FAM186B: variants seen among roughly 807,000 people sequenced by gnomAD.
FAM186B encodes protein FAM186B.
Under a neutral mutation model 83.4 loss-of-function variants are expected in FAM186B, and 68 were observed. The ratio of observed to expected loss-of-function variants is 0.81; its 90% CI spans 0.67 to 1.00. FAM186B has a LOEUF of 1.00. Ranked by LOEUF, FAM186B falls within the 50% of genes least tolerant of loss-of-function variation. The pLI, the probability that FAM186B is intolerant of heterozygous loss-of-function variation, is 0.00. For synonymous variants in FAM186B, 389 were observed against 422.0 expected, an observed-to-expected ratio of 0.92 and a Z score of 0.96; for missense variants, 983 against 1,099.2, an observed-to-expected ratio of 0.89 and a Z score of 1.49.
chr12:49,599,789 G>A lies in FAM186B; in HGVS notation c.1851C>T (p.Thr617=). 1.9e-6 allele frequency: 3 copies of A among 1,613,988 alleles called. No individual in the cohort carries two copies. Among genetic ancestry groups the A allele is most frequent in the Non-Finnish European group, 2.5e-6 (3 of 1,179,928 alleles). Residue 617 remains threonine (T), a synonymous_variant, in exon 4 of 7, where the codon ACC becomes ACT. Coordinates refer to ENST00000257894, the MANE Select transcript of FAM186B (RefSeq NM_032130.3). ...KQRPMSSVEF[T]YRPRTRRVPT... ...GAACTCGGCGGGTCCGTGGTCTGTA[G>A]GTAAACTCCACTGAACTCATAGGTC...
At chr12:49,594,679 A>G (rs1939671719) in intron 5 of FAM186B, among the ~76,000 whole-genome samples, 1 of 152,364 alleles carries the variant, frequency 6.6e-6, no homozygotes, top group South Asian at 2.1e-4. Flanking sequence ...GTTTGAGACC[A>G]GCCTGGCCAA....
intron 2 of FAM186B, 160 bp downstream of exon 2, chr12:49,604,153 G>A (rs940959572): frequency 2.1e-5 from 13 of 611,178 alleles, no homozygotes; most frequent in Non-Finnish European, 3.5e-5. Flanking sequence ...GTGATGTTTG[G>A]ACACTTCTGT....
At chr12:49,591,076 A>G (rs768672493) in intron 5 of FAM186B, among the ~76,000 whole-genome samples, 5 of 152,190 alleles carry the variant, frequency 3.3e-5, no homozygotes, top group African/African-American at 9.7e-5. Flanking sequence ...GTGCAGGTCA[A>G]TGATCCCCAA....
intron 5 of FAM186B, 100 bp from the exon 6 acceptor site, chr12:49,588,723 A>G (rs1233380841): frequency 1.6e-6 from 2 of 1,242,620 alleles, no homozygotes; most frequent in East Asian, 4.9e-5. Flanking sequence ...TGCTGGACTC[A>G]GGGCTGAGTG....
At chr12:49,611,015 GA>G in the FAM186B span, among the ~76,000 whole-genome samples, 74 of 151,832 alleles carry the variant, frequency 4.9e-4, no homozygotes, top group Non-Finnish European at 5.2e-4. Flanking sequence ...CAAGGCGGGC[GA>G]ATCACTTGAG....
the FAM186B span, among the ~76,000 whole-genome samples, chr12:49,618,913 G>C: frequency 1.3e-5 from 2 of 152,198 alleles, no homozygotes; most frequent in African/African-American, 2.4e-5. Context: ...CAGCACAATG[G>C]AAGATAATAG....
At position 49,600,622 on chromosome 12, in the gene FAM186B, C is replaced by T; in HGVS notation, c.1018G>A (p.Gly340Ser). The T allele has an allele frequency of 6.2e-7, 1 of 1,613,312 alleles. No homozygotes were observed. Among genetic ancestry groups the T allele is most frequent in the South Asian group, 1.1e-5 (1 of 90,970 alleles). Residue 340 changes from glycine (G) to serine (S), a missense_variant, in exon 4 of 7, where the codon GGT (glycine) becomes AGT (serine). Gly to Ser is a moderately conservative substitution (Grantham distance 56). Transcript: ENST00000257894. This position sits in a 1 kb window ranked among gnomAD's most constrained non-coding sequence, Gnocchi z 4.3. ...DLAEVSVDSP[G>S]PSERETLPRK... ...GGGAGGGTCTCTCTCTCAGAGGGAC[C>T]TGGGGAGTCAACAGAAACCTCAGCC...
intron 5 of FAM186B, among the ~76,000 whole-genome samples, chr12:49,596,182 C>A (rs1227948940): frequency 6.6e-6 from 1 of 152,064 alleles, no homozygotes; most frequent in Non-Finnish European, 1.5e-5. Context: ...ATTTCTCAAC[C>A]TACAAAGTGT....
chr12:49,589,607 T>G (rs1047993436), intron 5 of FAM186B, among the ~76,000 whole-genome samples: 12 of 152,178 alleles, frequency 7.9e-5, no homozygotes, highest in Admixed American at 3.9e-4. Context: ...GTTTTACATC[T>G]GTTGTAGAGA....
At chr12:49,588,159 G>C (rs1391846780) in intron 6 of FAM186B, among the ~76,000 whole-genome samples, 1 of 152,236 alleles carries the variant, frequency 6.6e-6, no homozygotes, top group Non-Finnish European at 1.5e-5. Flanking sequence ...TCGATGCTCA[G>C]GGTAGAAAGG....
chr12:49,614,781 G>GA, the FAM186B span, among the ~76,000 whole-genome samples: 1 of 152,112 alleles, frequency 6.6e-6, no homozygotes, highest in Admixed American at 6.6e-5. Flanking sequence ...TAAGAATGAT[G>GA]CAATGGACTT....
Position 49,604,382 on chromosome 12 carries a change from A to T in FAM186B, c.253T>A (p.Ser85Thr). 6.2e-7 allele frequency: 1 copy of T among 1,614,242 alleles called. No individual in the cohort carries two copies. The highest frequency in any genetic ancestry group is 8.5e-7 in the Non-Finnish European group (1 of 1,180,040). ...KRFILLEKIA[S>T]FSKDAMMKEK... ...TTCATCATAGCATCTTTGGAGAAGGAGGCAATTTTTTCCAGCAAGATGAAT... is the reference window on the plus strand; with the variant it reads ...TTCATCATAGCATCTTTGGAGAAGGTGGCAATTTTTTCCAGCAAGATGAAT... Residue 85 changes from serine (S) to threonine (T), a missense_variant, in exon 2 of 7, where the codon TCC (serine) becomes ACC (threonine). Coordinates refer to ENST00000257894, the MANE Select transcript of FAM186B (RefSeq NM_032130.3).
At chr12:49,599,436 G>A in intron 4 of FAM186B, 33 bp downstream of exon 4, 1 of 1,510,002 alleles carries the variant, frequency 6.6e-7, no homozygotes, top group Non-Finnish European at 8.8e-7. Flanking sequence ...ATTGCAGCAG[G>A]TGGGTGCCAG....
rs565605408 is a variant in FAM186B, at chr12:49,604,528, G to A, written c.107C>T (p.Thr36Ile). 13 of 1,613,886 alleles carry A rather than the reference G, an allele frequency of 8.1e-6. No homozygotes were observed. Among genetic ancestry groups the A allele is most frequent in the Middle Eastern group, 1.6e-4 (1 of 6,084 alleles). Residue 36 changes from threonine to isoleucine, a missense_variant, in exon 2 of 7, where the codon ACC (threonine) becomes ATC (isoleucine). Thr to Ile is a moderately conservative substitution (Grantham distance 89, BLOSUM62 -1). Coordinates refer to ENST00000257894, the MANE Select transcript of FAM186B (RefSeq NM_032130.3). ...QLTRAQEDIS[T>I]QLSDILDNVN... ...ATTGTCCAAAATGTCTGAGAGCTGG[G>A]TAGAAATATCCTATAGAGAAGCAGC...
chr12:49,599,325 G>C, intron 4 of FAM186B, 144 bp downstream of exon 4: 2 of 1,336,646 alleles, frequency 1.5e-6, no homozygotes, highest in East Asian at 5.4e-5. Context: ...TTGCTTTCCA[G>C]GCCCCCACTC....
chr12:49,621,058 A>G, the FAM186B span, among the ~76,000 whole-genome samples: 1 of 152,200 alleles, frequency 6.6e-6, no homozygotes, highest in Non-Finnish European at 1.5e-5. Context: ...AGAAAAGAAA[A>G]GCATAGAATA....
chr12:49,619,698 T>G, the FAM186B span: 4 of 393,774 alleles, frequency 1.0e-5, no homozygotes, highest in Non-Finnish European at 1.8e-5. Flanking sequence ...TTTTTTGAGA[T>G]GGAGTCTTGC....
intron 4 of FAM186B, 33 bp from the exon 5 acceptor site, chr12:49,598,980 G>A: frequency 1.2e-6 from 2 of 1,604,272 alleles, no homozygotes; most frequent in Non-Finnish European, 1.7e-6. Flanking sequence ...TTAGGGGGTG[G>A]AGAGGCCTCC....
intron 5 of FAM186B, among the ~76,000 whole-genome samples, chr12:49,589,079 CCAAA>C (rs971321345): frequency 2.0e-4 from 31 of 152,284 alleles, no homozygotes; most frequent in East Asian, 3.9e-4. Context: ...TTCTCAATCC[CCAAA>C]CAAACAGCCA....
Sources: allele counts gnomAD v4.1 joint callset (sites outside exome capture counted in the v4.1 genomes callset), GRCh38; gene constraint gnomAD v4.1.1; non-coding constraint Gnocchi (gnomAD v3.1); transcripts MANE v1.5; gene names NCBI Gene and HGNC (gene_info 2026-07-23, HGNC 2026-07-21).